NRG1: variants seen among roughly 807,000 people sequenced by gnomAD.
NRG1 encodes the protein pro-neuregulin-1, membrane-bound isoform.
NRG1 carries 18 observed loss-of-function variants against 63.8 expected under a neutral mutation model. The observed-to-expected ratio is 0.28, with a 90% CI of 0.19 to 0.42. NRG1 has a LOEUF of 0.42. Among genes scored for constraint, NRG1 ranks in the 10% least tolerant of loss-of-function variants. The pLI is 1.00. For synonymous variants in NRG1, 302 were observed against 301.3 expected, an observed-to-expected ratio of 1.00 and a Z score of -0.02; for missense variants, 762 against 814.7, an observed-to-expected ratio of 0.94 and a Z score of 0.79.
rs766806456 is a variant in NRG1 at position 32,614,603 on chromosome 8, T to C, written c.451+39T>C. 3.8e-6 allele frequency: 6 copies of C among 1,595,900 alleles called. 1 individual carries two copies. The highest frequency in any genetic ancestry group is 1.7e-4 in the Middle Eastern group (1 of 6,008). On this transcript the variant is annotated intron_variant, in intron 4 of 11. Coordinates refer to ENST00000356819, the Ensembl canonical transcript of NRG1. ...GCCTGGCAAATTTTACTAACCAGAA[T>C]GACAACCATAACTGCTGGCTGCTCC...
intron 1 of NRG1, among the ~76,000 whole-genome samples, chr8:32,073,842 AG>A (rs1163518443): frequency 1.3e-5 from 2 of 152,324 alleles, no homozygotes; most frequent in East Asian, 3.9e-4. Context: ...ATCATAGATT[AG>A]AAAGTTATTT....
intron 1 of NRG1, among the ~76,000 whole-genome samples, chr8:31,823,922 A>G (rs2129604008): frequency 6.6e-6 from 1 of 152,340 alleles, no homozygotes; most frequent in South Asian, 2.1e-4. Flanking sequence ...TACAACAGCT[A>G]TCTAACTCCA....
At chr8:31,910,988 A>T (rs200782707) in intron 1 of NRG1, among the ~76,000 whole-genome samples, 1 of 152,114 alleles carries the variant, frequency 6.6e-6, no homozygotes, top group South Asian at 2.1e-4. Context: ...TTCTTCACTG[A>T]TTTCTGACAT....
exon 8 of NRG1, chr8:32,754,415 C>T (rs143779862): frequency 6.2e-7 from 1 of 1,613,760 alleles, no homozygotes; most frequent in African/African-American, 1.3e-5. Context: ...CCATAACCGG[C>T]ATCTGCATCG....
chr8:31,780,737 C>T (rs552854450), intron 1 of NRG1, among the ~76,000 whole-genome samples: 2 of 152,190 alleles, frequency 1.3e-5, no homozygotes, highest in African/African-American at 4.8e-5. Flanking sequence ...ATCAGAGATG[C>T]TTCAGTGTAC....
chr8:32,620,003 C>T, intron 5 of NRG1, among the ~76,000 whole-genome samples: 1 of 152,154 alleles, frequency 6.6e-6, no homozygotes, highest in East Asian at 1.9e-4. Context: ...AAGGCAGCCA[C>T]ACGCAGGACT....
intron 1 of NRG1, among the ~76,000 whole-genome samples, chr8:32,189,649 A>C (rs1407384598): frequency 6.6e-6 from 1 of 152,182 alleles, no homozygotes; most frequent in African/African-American, 2.4e-5. Context: ...CTGCCCAAAG[A>C]TACTAAATTT....
chr8:31,672,516 G>A (rs1319139901), intron 1 of NRG1, among the ~76,000 whole-genome samples: 4 of 152,116 alleles, frequency 2.6e-5, no homozygotes, highest in Non-Finnish European at 5.9e-5. Flanking sequence ...AGCTGTTCCT[G>A]CTAGCTCATG....
rs566421991 is a variant in NRG1, at chr8:32,558,629, A to G, written c.100+9803A>G. On this transcript the variant is annotated intron_variant, in intron 1 of 11. Coordinates refer to ENST00000356819, the Ensembl canonical transcript of NRG1. ...ACAGGACTCTATGAAAGAGGCAACC[A>G]AAGAAGACCTGAGGCTCTTCTTGTC... 7.9e-5 allele frequency among the ~76,000 whole-genome samples: 12 copies of G among 152,300 alleles called. No homozygotes were observed. The South Asian group carries it at 1.7e-3, about 21-fold the overall frequency.
intron 1 of NRG1, among the ~76,000 whole-genome samples, chr8:32,552,748 C>G (rs36213551): frequency 6.6e-6 from 1 of 151,964 alleles, no homozygotes; most frequent in Non-Finnish European, 1.5e-5. Context: ...GCAGGAAGAG[C>G]GGAAGAAAGT....
chr8:31,739,488 G>T (rs1256148906), intron 1 of NRG1, among the ~76,000 whole-genome samples: 1 of 151,958 alleles, frequency 6.6e-6, no homozygotes, highest in Admixed American at 6.6e-5. Flanking sequence ...GATGGTAAGG[G>T]TCTAGGCAGA....
intron 1 of NRG1, among the ~76,000 whole-genome samples, chr8:32,117,446 G>A (rs1324594138): frequency 1.3e-5 from 2 of 151,996 alleles, no homozygotes; most frequent in Admixed American, 6.6e-5. Flanking sequence ...GGTTTGGATA[G>A]AAAAATATAT....
intron 5 of NRG1, among the ~76,000 whole-genome samples, chr8:32,709,628 C>G (rs1234880710): frequency 6.6e-6 from 1 of 151,756 alleles, no homozygotes; most frequent in African/African-American, 2.4e-5. Flanking sequence ...ACTATGTTGC[C>G]CAGGCTGGTC....
At chr8:31,770,770 C>CATATATATATATAT (rs4036035) in intron 1 of NRG1, among the ~76,000 whole-genome samples, 1 of 140,492 alleles carries the variant, frequency 7.1e-6, no homozygotes, top group Non-Finnish European at 1.5e-5. Flanking sequence ...GTATAATAAA[C>CATATATATATATAT]ATATATATAT....
At chr8:32,064,903 T>C (rs543340532) in intron 1 of NRG1, among the ~76,000 whole-genome samples, 1 of 152,272 alleles carries the variant, frequency 6.6e-6, no homozygotes, top group African/African-American at 2.4e-5. Flanking sequence ...AATAATTTAT[T>C]GGAGAAACTC....
At position 32,016,792 on chromosome 8, in the gene NRG1, C is replaced by T. The variant is rs117292946; in HGVS notation, c.37+377361C>T. Among the ~76,000 whole-genome samples, 57 of 151,994 alleles carry T rather than the reference C, an allele frequency of 3.8e-4. No individual in the cohort carries two copies. The East Asian group carries it at 0.01, about 27-fold the overall frequency. Reference sequence around the variant, plus strand: ...TAGAAAACATGAAAAAAAATTTAAGCGAGGATTTGGGAGATGGTGGTAGGT... The same window carrying T: ...TAGAAAACATGAAAAAAAATTTAAGTGAGGATTTGGGAGATGGTGGTAGGT... On this transcript the variant is annotated intron_variant, in intron 1 of 10. Transcript: ENST00000519301.
chr8:32,249,307 T>A (rs11784296), intron 1 of NRG1, among the ~76,000 whole-genome samples: 113,292 of 151,984 alleles, frequency 0.75, 43,307 homozygotes, highest in African/African-American at 0.91. Flanking sequence ...GAGTGGTGAC[T>A]TCCTTTCTGA....
At chr8:32,286,506 G>A (rs1214112905) in intron 1 of NRG1, among the ~76,000 whole-genome samples, 1 of 152,230 alleles carries the variant, frequency 6.6e-6, no homozygotes, top group African/African-American at 2.4e-5. Flanking sequence ...TATAGGTGGG[G>A]CTTAATAGGA....
At chr8:31,810,480 G>A (rs1436856321) in intron 1 of NRG1, among the ~76,000 whole-genome samples, 1 of 152,110 alleles carries the variant, frequency 6.6e-6, no homozygotes, top group Non-Finnish European at 1.5e-5. Flanking sequence ...ATTGTTCACT[G>A]TGTTTCAGTC....
Sources: gnomAD v4.1 joint callset for allele counts (sites outside exome capture counted in the v4.1 genomes callset) on GRCh38, gnomAD v4.1.1 for gene constraint, MANE v1.5 for transcripts, NCBI Gene and HGNC (gene_info 2026-07-23, HGNC 2026-07-21) for gene names.